The following BCAR3 variants were observed in gnomAD, a reference collection of about 807,000 sequenced individuals.
BCAR3 encodes breast cancer anti-estrogen resistance protein 3.
In BCAR3, 37 loss-of-function variants were observed where a neutral mutation model predicts 80.1. That is an observed-to-expected ratio of 0.46 (90% CI 0.36 to 0.61). The LOEUF (loss-of-function observed/expected upper bound fraction) is 0.61, where lower values mean the gene tolerates loss of function less well. BCAR3 is among the 20% of genes least tolerant of loss of function. The pLI is 0.00. For synonymous variants in BCAR3, 389 were observed against 418.9 expected, an observed-to-expected ratio of 0.93 and a Z score of 0.87; for missense variants, 978 against 1,068.2, an observed-to-expected ratio of 0.92 and a Z score of 1.18.
At chr1:93,683,378 T>A (rs74101667), upstream of BCAR3, among the ~76,000 whole-genome samples, 2,354 of 152,302 alleles carry the variant, frequency 0.015, 65 homozygotes, top group African/African-American at 0.052. Context: ...ACAACCACTT[T>A]AAAAACCTGC....
chr1:93,584,221 A>C lies in BCAR3; in HGVS notation c.930-100T>G, dbSNP rs1673848924. ...ACTTAAACAAAAACAAAAAAAAAGA[A>C]AACTGCTCAGAACGAGAGTGCTACA... On this transcript the variant is annotated intron_variant, in intron 5 of 11. Transcript: ENST00000260502. 72 of 1,054,180 alleles carry C rather than the reference A, an allele frequency of 6.8e-5. 1 individual carries two copies. In the South Asian group the frequency reaches 1.1e-3, roughly 16 times the overall value. 65.3% of individuals were successfully genotyped at this position (1,054,180 alleles called of 1,614,324 possible).
Position 93,567,487 on chromosome 1 carries a change from GGACTCTGAA to G in BCAR3, c.2087-5_2090del, listed in dbSNP as rs1275951989. ...ATACATTGTTTGGGGGAACACATGT[GGACTCTGAA>G]GAATAAGGAGTAGAGTTTTCCATAT... On this transcript the variant is annotated splice_acceptor_variant and splice_polypyrimidine_tract_variant and coding_sequence_variant and intron_variant, in exon 11 of 12. Transcript: ENST00000260502. LOFTEE classifies it high-confidence loss of function. 6.2e-7 allele frequency: 1 copy of G among 1,613,918 alleles called. No homozygotes were observed. The highest frequency in any genetic ancestry group is 1.3e-5 in the African/African-American group (1 of 74,902).
intron 2 of BCAR3, among the ~76,000 whole-genome samples, chr1:93,771,058 A>G (rs1053500720): frequency 3.3e-5 from 5 of 152,194 alleles, no homozygotes; most frequent in Non-Finnish European, 5.9e-5. Flanking sequence ...ATCCAGTACT[A>G]ATAATACTAG....
intron 2 of BCAR3, among the ~76,000 whole-genome samples, chr1:93,828,125 C>T (rs770780036): frequency 1.1e-4 from 17 of 152,054 alleles, no homozygotes; most frequent in Admixed American, 2.6e-4. Context: ...GAGCAAGACC[C>T]TGTCTCTACA....
At chr1:93,774,278 G>A (rs1241320960) in intron 2 of BCAR3, among the ~76,000 whole-genome samples, 1 of 152,080 alleles carries the variant, frequency 6.6e-6, no homozygotes, top group Non-Finnish European at 1.5e-5. Flanking sequence ...GAGGTCAGGA[G>A]ATCGAGACCA....
chr1:93,811,413 G>T (rs933376883), intron 2 of BCAR3, among the ~76,000 whole-genome samples: 4 of 152,202 alleles, frequency 2.6e-5, no homozygotes, highest in Admixed American at 2.0e-4. Context: ...TATTGTCCTT[G>T]CTTTCAAAGA....
chr1:93,751,043 C>G (rs187516219), intron 2 of BCAR3, among the ~76,000 whole-genome samples: 1 of 152,272 alleles, frequency 6.6e-6, no homozygotes, highest in African/African-American at 2.4e-5. Context: ...ACCATGGTAA[C>G]CAAGAAACAC....
intron 3 of BCAR3, among the ~76,000 whole-genome samples, chr1:93,603,038 A>G (rs1306863567): frequency 6.6e-6 from 1 of 152,256 alleles, no homozygotes; most frequent in Non-Finnish European, 1.5e-5. Flanking sequence ...GAAAGGTTTG[A>G]ATTCACCAAT....
intron 2 of BCAR3, among the ~76,000 whole-genome samples, chr1:93,814,528 C>T (rs1163913609): frequency 6.6e-6 from 1 of 152,232 alleles, no homozygotes; most frequent in Non-Finnish European, 1.5e-5. Context: ...GACTCACGTC[C>T]ACTACCTGCA....
At chr1:93,744,126 C>A (rs1419065718) in intron 2 of BCAR3, among the ~76,000 whole-genome samples, 1 of 152,190 alleles carries the variant, frequency 6.6e-6, no homozygotes, top group African/African-American at 2.4e-5. Context: ...CTCACCCTAG[C>A]AATGGCCCTG....
At chr1:93,788,577 T>C (rs1324084187) in intron 2 of BCAR3, among the ~76,000 whole-genome samples, 2 of 152,182 alleles carry the variant, frequency 1.3e-5, no homozygotes, top group Non-Finnish European at 2.9e-5. Flanking sequence ...GAAGCTTAGT[T>C]TTGCTGGATC....
intron 2 of BCAR3, among the ~76,000 whole-genome samples, chr1:93,719,776 T>C (rs1650329438): frequency 6.6e-6 from 1 of 152,238 alleles, no homozygotes; most frequent in African/African-American, 2.4e-5. Context: ...TGTTTCATGA[T>C]GTTCATGTTT....
At chr1:93,798,188 G>A (rs1255918004) in intron 2 of BCAR3, among the ~76,000 whole-genome samples, 1 of 152,166 alleles carries the variant, frequency 6.6e-6, no homozygotes, top group Non-Finnish European at 1.5e-5. Flanking sequence ...ATAGGGATGT[G>A]CTTTCCTGTC....
At chr1:93,574,478 G>A (rs551221030) in intron 8 of BCAR3, among the ~76,000 whole-genome samples, 5 of 152,190 alleles carry the variant, frequency 3.3e-5, no homozygotes, top group African/African-American at 1.2e-4. Context: ...TAAGGAGCAA[G>A]ACCCCAGCCA....
At chr1:93,674,171 C>T (rs981668222) in intron 2 of BCAR3, among the ~76,000 whole-genome samples, 5 of 152,138 alleles carry the variant, frequency 3.3e-5, no homozygotes, top group Non-Finnish European at 5.9e-5. Context: ...ACAGACAAAA[C>T]GGGACTGGCC....
At chr1:93,633,457 C>CA (rs1675685496) in intron 3 of BCAR3, among the ~76,000 whole-genome samples, 1 of 152,182 alleles carries the variant, frequency 6.6e-6, no homozygotes, top group Non-Finnish European at 1.5e-5. Context: ...CAATTACAAA[C>CA]ACATGGTATA....
At chr1:93,826,027 G>T (rs1264439156) in intron 2 of BCAR3, among the ~76,000 whole-genome samples, 2 of 152,196 alleles carry the variant, frequency 1.3e-5, no homozygotes, top group Non-Finnish European at 2.9e-5. Flanking sequence ...CAGTAAATGT[G>T]AGTTGAATTT....
intron 2 of BCAR3, among the ~76,000 whole-genome samples, chr1:93,723,102 G>T (rs1302151798): frequency 1.3e-5 from 2 of 152,122 alleles, no homozygotes; most frequent in Non-Finnish European, 2.9e-5. Context: ...CAGTCCCAGA[G>T]GTGTAGCTGG....
intron 3 of BCAR3, among the ~76,000 whole-genome samples, chr1:93,693,025 C>T (rs564714913): frequency 2.5e-4 from 38 of 152,254 alleles, no homozygotes; most frequent in African/African-American, 8.2e-4. Context: ...GTCCTAGCGC[C>T]GTCCTGGGGC....
Sources: allele counts gnomAD v4.1 joint callset (sites outside exome capture counted in the v4.1 genomes callset), GRCh38; gene constraint gnomAD v4.1.1; transcripts MANE v1.5; gene names NCBI Gene and HGNC (gene_info 2026-07-23, HGNC 2026-07-21).